DPP6: variants seen among roughly 807,000 people sequenced by gnomAD.
DPP6 encodes dipeptidyl peptidase like 6, also known as A-type potassium channel modulatory protein DPP6.
Under a neutral mutation model 122.6 loss-of-function variants are expected in DPP6, and 69 were observed. The ratio of observed to expected loss-of-function variants is 0.56; its 90% CI spans 0.46 to 0.69. The LOEUF (loss-of-function observed/expected upper bound fraction) is 0.69, where lower values mean the gene tolerates loss of function less well. DPP6 is among the 30% of genes least tolerant of loss of function. The probability of loss-of-function intolerance (pLI) is 0.00; values close to 1 mark genes in which losing one functional copy is unlikely to be tolerated. For missense variants in DPP6, 928 were observed against 1,116.9 expected, an observed-to-expected ratio of 0.83 and a Z score of 2.41; for synonymous variants, 418 against 433.1, an observed-to-expected ratio of 0.97 and a Z score of 0.43.
At chr7:154,406,326 T>C (rs1816085259) in intron 1 of DPP6, among the ~76,000 whole-genome samples, 1 of 152,216 alleles carries the variant, frequency 6.6e-6, no homozygotes, top group Non-Finnish European at 1.5e-5. Context: ...TGTGGACCAA[T>C]GTTTTCTTAA....
chr7:154,321,599 T>C (rs1043146846), intron 1 of DPP6, among the ~76,000 whole-genome samples: 8 of 151,754 alleles, frequency 5.3e-5, no homozygotes, highest in Non-Finnish European at 8.8e-5. Context: ...CTAGCCAATA[T>C]GGTGAAACCC....
the DPP6 span, among the ~76,000 whole-genome samples, chr7:153,819,857 C>CT: frequency 6.6e-6 from 1 of 151,966 alleles, no homozygotes; most frequent in East Asian, 1.9e-4. Context: ...ATTTCTGCAG[C>CT]TTTTTTGTTT....
At chr7:154,713,206 CT>C (rs1284699824) in intron 7 of DPP6, among the ~76,000 whole-genome samples, 1 of 152,258 alleles carries the variant, frequency 6.6e-6, no homozygotes, top group Non-Finnish European at 1.5e-5. Context: ...CAGCTCTGCC[CT>C]TGTGGCTTTA....
intron 17 of DPP6, among the ~76,000 whole-genome samples, chr7:154,866,794 G>T (rs3823529): frequency 0.11 from 16,855 of 151,984 alleles, 1,350 homozygotes; most frequent in East Asian, 0.47. Context: ...TTATGTACTC[G>T]TCACAAGCGC....
chr7:154,247,872 T>C (rs1351854680), intron 1 of DPP6, among the ~76,000 whole-genome samples: 1 of 152,184 alleles, frequency 6.6e-6, no homozygotes, highest in Non-Finnish European at 1.5e-5. Flanking sequence ...AACCAGATAA[T>C]AAATAATTGT....
At chr7:153,881,352 G>A in the DPP6 span, among the ~76,000 whole-genome samples, 4 of 152,174 alleles carry the variant, frequency 2.6e-5, no homozygotes, top group African/African-American at 7.2e-5. Flanking sequence ...ACTGAGGTGA[G>A]ATTAAATTCC....
intron 1 of DPP6, among the ~76,000 whole-genome samples, chr7:153,974,392 A>G (rs1467580994): frequency 6.6e-6 from 1 of 152,180 alleles, no homozygotes; most frequent in African/African-American, 2.4e-5. Flanking sequence ...TGAATAAAGT[A>G]TTTTAAATGT....
chr7:154,062,035 G>A (rs1336171120), intron 1 of DPP6, among the ~76,000 whole-genome samples: 26 of 105,000 alleles, frequency 2.5e-4, no homozygotes, highest in African/African-American at 4.1e-4. Flanking sequence ...GGCACCCCCC[G>A]CGAGGCAGGG....
At chr7:153,839,239 G>A in the DPP6 span, among the ~76,000 whole-genome samples, 6 of 152,174 alleles carry the variant, frequency 3.9e-5, no homozygotes, top group African/African-American at 1.4e-4. Context: ...TGGTATCATT[G>A]ACTGGAAAAA....
chr7:154,431,157 C>A (rs1313667199), intron 1 of DPP6, among the ~76,000 whole-genome samples: 1 of 152,290 alleles, frequency 6.6e-6, no homozygotes, highest in Admixed American at 6.5e-5. Flanking sequence ...CACCGTGGTG[C>A]CCTGAGAACA....
chr7:154,813,741 A>G (rs1489403967), intron 16 of DPP6, among the ~76,000 whole-genome samples: 1 of 152,086 alleles, frequency 6.6e-6, no homozygotes, highest in Non-Finnish European at 1.5e-5. Context: ...GTAACCTTTT[A>G]TGATGATTTT....
chr7:154,802,275 A>G (rs1563226970), intron 13 of DPP6, among the ~76,000 whole-genome samples: 2 of 152,316 alleles, frequency 1.3e-5, no homozygotes, highest in East Asian at 1.9e-4. Context: ...ATTTATGATG[A>G]GGCCTCAAAG....
At chr7:154,393,554 A>ATTTTTTTTTTTTT (rs552425581) in intron 1 of DPP6, among the ~76,000 whole-genome samples, 1 of 141,498 alleles carries the variant, frequency 7.1e-6, no homozygotes, top group Non-Finnish European at 1.6e-5. Context: ...AGATTGTTCA[A>ATTTTTTTTTTTTT]TTTTTTTTTT....
chr7:153,863,140 C>A, the DPP6 span, among the ~76,000 whole-genome samples: 1 of 152,036 alleles, frequency 6.6e-6, no homozygotes, highest in Non-Finnish European at 1.5e-5. Flanking sequence ...ATAACTCTAC[C>A]CATCATGTAT....
At chr7:154,088,926 C>G (rs1331831073) in intron 1 of DPP6, among the ~76,000 whole-genome samples, 1 of 152,196 alleles carries the variant, frequency 6.6e-6, no homozygotes. Flanking sequence ...ACTGGAGCCA[C>G]ATGTGGCTCC....
Position 154,892,366 on chromosome 7 carries a change from C to G in DPP6, c.2484C>G (p.Ser828Arg). ...CGGACGAAAGCCATTACTTTACCAG[C>G]TCCAGCCTCAAACAGCATCTGTACC... is the stretch of plus-strand genomic sequence containing the variant. ...IYPDESHYFT[S>R]SSLKQHLYRS... The change falls in exon 26 of 26, where the codon AGC becomes AGG. Residue 828 changes from serine to arginine, a missense_variant. Physicochemically the swap from Ser to Arg is moderately radical, Grantham distance 110. Transcript: ENST00000377770. 1 of 1,614,068 alleles carries G rather than the reference C, an allele frequency of 6.2e-7. No individual in the cohort carries two copies.
At chr7:154,639,693 TAG>T (rs112435338) in intron 6 of DPP6, among the ~76,000 whole-genome samples, 2,604 of 152,296 alleles carry the variant, frequency 0.017, 31 homozygotes, top group Middle Eastern at 0.048. Context: ...CTTCTGCACT[TAG>T]ATACCTGGAG....
At chr7:154,169,091 G>A (rs1797402692) in intron 1 of DPP6, among the ~76,000 whole-genome samples, 1 of 93,620 alleles carries the variant, frequency 1.1e-5, no homozygotes, top group Non-Finnish European at 2.9e-5. Context: ...CCTTCTGATT[G>A]CGCTGCTGGC....
At chr7:154,410,750 A>G (rs1449744490) in intron 1 of DPP6, among the ~76,000 whole-genome samples, 2 of 152,246 alleles carry the variant, frequency 1.3e-5, no homozygotes, top group East Asian at 3.8e-4. Context: ...GTCCCACAGC[A>G]TGCAATATTT....
Sources: allele counts gnomAD v4.1 joint callset (sites outside exome capture counted in the v4.1 genomes callset), GRCh38; gene constraint gnomAD v4.1.1; transcripts MANE v1.5; gene names NCBI Gene and HGNC (gene_info 2026-07-23, HGNC 2026-07-21).